The following CTDSP1 variants were observed in gnomAD, a reference collection of about 807,000 sequenced individuals.
The protein encoded by CTDSP1 is carboxy-terminal domain RNA polymerase II polypeptide A small phosphatase 1.
A neutral mutation model predicts 32.5 loss-of-function variants in CTDSP1; 15 were observed. That is an observed-to-expected ratio of 0.46 (90% CI 0.31 to 0.71). The LOEUF (loss-of-function observed/expected upper bound fraction) is 0.71. Among genes scored for constraint, CTDSP1 ranks in the 30% least tolerant of loss-of-function variants. The pLI is 0.05. For missense variants in CTDSP1, 294 were observed against 351.1 expected, an observed-to-expected ratio of 0.84 and a Z score of 1.30; for synonymous variants, 185 against 145.4, an observed-to-expected ratio of 1.27 and a Z score of -1.96.
At chr2:218,400,893 C>T (rs924078114) in intron 1 of CTDSP1, 15 of 456,330 alleles carry the variant, frequency 3.3e-5, no homozygotes, top group African/African-American at 2.8e-4. Context: ...GGACGCTGCC[C>T]CCAGGTCTGC....
At chr2:218,401,421 G>A (rs1458598093) in intron 1 of CTDSP1, 143 bp from the exon 2 acceptor site, 1 of 905,724 alleles carries the variant, frequency 1.1e-6, no homozygotes. Context: ...GCGTTTCAGA[G>A]AAAGTCAGGA....
At chr2:218,401,971 C>A (rs1697167961) in intron 2 of CTDSP1, 140 bp from the exon 3 acceptor site, 8 of 710,146 alleles carry the variant, frequency 1.1e-5, no homozygotes, top group Non-Finnish European at 1.9e-5. Context: ...CTAGAGCTGG[C>A]AGGGGCAAAG....
chr2:218,399,940 C>T lies in CTDSP1; in HGVS notation c.-151C>T, dbSNP rs976972132. On this transcript the variant is annotated 5_prime_UTR_variant, in exon 1 of 7. Transcript: ENST00000273062. ...CCGCGCCCCCTCCCTCCCCCTCCCCCCTAGAACCTGGCTCCCCTCCCCTCC... is the reference window on the plus strand; with the variant it reads ...CCGCGCCCCCTCCCTCCCCCTCCCCTCTAGAACCTGGCTCCCCTCCCCTCC... 1.5e-5 allele frequency: 17 copies of T among 1,166,714 alleles called. No homozygotes were observed. In the African/African-American group the frequency reaches 2.6e-4, roughly 18 times the overall value. The allele number at this position is 1,166,714 out of a possible 1,614,324, so 72.3% of individuals were successfully genotyped here.
At chr2:218,398,428 T>A (rs1471342816), upstream of CTDSP1, 8 of 1,535,080 alleles carry the variant, frequency 5.2e-6, no homozygotes, top group Admixed American at 1.6e-4. Context: ...GGCCGCCCCG[T>A]GGGCTACCCA....
upstream of CTDSP1, chr2:218,398,789 T>A (rs1405719209): frequency 4.8e-6 from 1 of 210,064 alleles, no homozygotes; most frequent in Non-Finnish European, 9.5e-6. Context: ...TACAAAATAG[T>A]AACGACGAGT....
At chr2:218,402,446 C>T (rs1380739423) in intron 4 of CTDSP1, 41 bp downstream of exon 4, 5 of 1,580,910 alleles carry the variant, frequency 3.2e-6, no homozygotes, top group South Asian at 2.3e-5. Flanking sequence ...TGGCATCTGC[C>T]TCCAGACCCT....
chr2:218,401,413 G>A (rs1412406093), intron 1 of CTDSP1, 151 bp from the exon 2 acceptor site: 5 of 814,462 alleles, frequency 6.1e-6, no homozygotes, highest in South Asian at 1.7e-5. Context: ...TGACAGGGGC[G>A]TTTCAGAGAA....
At position 218,399,980 on chromosome 2, in the gene CTDSP1, T is replaced by TTCC; in HGVS notation, c.-111_-110insTCC. ...CCCTCCCCTCCGGAGCTCGCGGGGA[T>TTCC]CCCTCCCTCCCACCCCTCCCCTCCC... On this transcript the variant is annotated 5_prime_UTR_variant, in exon 1 of 7. Transcript: ENST00000273062. The TTCC allele has an allele frequency of 4.2e-6, 4 of 946,484 alleles. No individual in the cohort carries two copies. The highest frequency in any genetic ancestry group is 5.2e-6 in the Non-Finnish European group (4 of 770,542). 58.6% of individuals were successfully genotyped at this position (946,484 alleles called of 1,614,324 possible).
upstream of CTDSP1, among the ~76,000 whole-genome samples, chr2:218,397,811 A>G (rs1220388214): frequency 6.6e-6 from 1 of 152,052 alleles, no homozygotes. Context: ...TACCCGCCCC[A>G]GGCGTGGGGA....
upstream of CTDSP1, chr2:218,396,400 G>A (rs959528797): frequency 1.3e-5 from 2 of 152,426 alleles, no homozygotes; most frequent in African/African-American, 4.8e-5. Context: ...GGGCCGCAGC[G>A]AGGAGAGGCC....
upstream of CTDSP1, chr2:218,398,788 G>C (rs564125381): frequency 2.0e-3 from 423 of 210,158 alleles, 1 homozygote; most frequent in African/African-American, 9.1e-3. Context: ...TTACAAAATA[G>C]TAACGACGAG....
intron 2 of CTDSP1, 71 bp downstream of exon 2, chr2:218,401,783 C>CT: frequency 7.1e-7 from 1 of 1,399,586 alleles, no homozygotes; most frequent in Non-Finnish European, 9.5e-7. Flanking sequence ...GAAGGGGCTC[C>CT]TGACTGAGCT....
At chr2:218,398,576 TCCCGGCCCCCGCGCGGGGCCTCCCCTC>T (rs1167208658), upstream of CTDSP1, 84 of 806,686 alleles carry the variant, frequency 1.0e-4, no homozygotes, top group African/African-American at 1.5e-3. Flanking sequence ...TCCCTTCCCC[TCCCGGCCCCCGCGCGGGGCCTCCCCTC>T]CCCGGCTCCC....
upstream of CTDSP1, chr2:218,399,756 G>C (rs933298246): frequency 2.0e-5 from 21 of 1,032,232 alleles, no homozygotes; most frequent in African/African-American, 3.2e-4. Flanking sequence ...CTCCCAGTCC[G>C]CCTAGCCGCG....
At position 218,402,277 on chromosome 2, in the gene CTDSP1, G is replaced by A. The variant is rs554678491; in HGVS notation, c.321+62G>A. ...GGGGGCATCCCCCACCCTGGCCTGG[G>A]AGGGAGGTGTGTGCTGGACCCCATG... is the stretch of plus-strand genomic sequence containing the variant. On this transcript the variant is annotated intron_variant, in intron 3 of 6. Transcript: ENST00000273062. The A allele has an allele frequency of 5.0e-6, 8 of 1,612,072 alleles. No homozygotes were observed. The East Asian group carries it at 1.8e-4, about 36-fold the overall frequency.
chr2:218,401,028 A>G (rs1697109351), intron 1 of CTDSP1: 1 of 434,586 alleles, frequency 2.3e-6, no homozygotes, highest in Admixed American at 2.4e-5. Flanking sequence ...TCCAGGTCGG[A>G]GGTCTGGGCG....
chr2:218,399,980 TCCCTCCCTCCCAC>T lies in CTDSP1; in HGVS notation c.-103_-91del, dbSNP rs1697024499. 1 of 946,498 alleles carries T rather than the reference TCCCTCCCTCCCAC, an allele frequency of 1.1e-6. No homozygotes were observed. The highest frequency in any genetic ancestry group is 1.3e-6 in the Non-Finnish European group (1 of 770,554). 58.6% of individuals were successfully genotyped at this position (946,498 alleles called of 1,614,324 possible). ...CCCTCCCCTCCGGAGCTCGCGGGGA[TCCCTCCCTCCCAC>T]CCCTCCCCTCCCCCCCGCGCCCCGA... On this transcript the variant is annotated 5_prime_UTR_variant, in exon 1 of 7. Transcript: ENST00000273062.
chr2:218,402,716 G>A lies in CTDSP1; in HGVS notation c.378+311G>A, dbSNP rs746257924. 4 of 759,642 alleles carry A rather than the reference G, an allele frequency of 5.3e-6. No individual in the cohort carries two copies. The Admixed American group carries it at 7.0e-5, about 13-fold the overall frequency. The allele number at this position is 759,642 out of a possible 1,614,324, so 47.1% of individuals were successfully genotyped here. A position where few individuals can be genotyped will look rare whatever the true frequency, so the allele number is the denominator to read the frequency against. The stretch of plus-strand genomic sequence containing the variant: ...GCCTGTTCTCCATTACTTGGCTCGG[G>A]GACCGGTGCCCTGCAGCCTTGGGGT... On this transcript the variant is annotated intron_variant, in intron 4 of 6. Coordinates refer to ENST00000273062, the MANE Select transcript of CTDSP1 (RefSeq NM_021198.3).
At chr2:218,402,755 C>T in intron 4 of CTDSP1, 1 of 739,050 alleles carries the variant, frequency 1.4e-6, no homozygotes, top group South Asian at 1.4e-5. Context: ...GGGGCTGCCC[C>T]TGGATTCCTG....
Sources: gnomAD v4.1 joint callset for allele counts (sites outside exome capture counted in the v4.1 genomes callset) on GRCh38, gnomAD v4.1.1 for gene constraint, MANE v1.5 for transcripts, NCBI Gene and HGNC (gene_info 2026-07-23, HGNC 2026-07-21) for gene names.